The following CAPN3 variants were observed in gnomAD, a reference collection of about 807,000 sequenced individuals.
CAPN3 encodes calpain-3.
Under a neutral mutation model 114.0 loss-of-function variants are expected in CAPN3, and 88 were observed. The ratio of observed to expected loss-of-function variants is 0.77; its 90% CI spans 0.65 to 0.92. CAPN3 has a LOEUF of 0.92. CAPN3 is among the 40% of genes least tolerant of loss of function. The probability of loss-of-function intolerance (pLI) is 0.00; values close to 1 mark genes in which losing one functional copy is unlikely to be tolerated. For synonymous variants in CAPN3, 386 were observed against 382.9 expected (o/e 1.01, Z -0.09); for missense variants, 1,028 against 1,069.0 (o/e 0.96, Z 0.53).
intron 1 of CAPN3, among the ~76,000 whole-genome samples, chr15:42,372,527 C>CT (rs1230674113): frequency 1.3e-5 from 2 of 150,942 alleles, no homozygotes; most frequent in Non-Finnish European, 2.9e-5. Flanking sequence ...ACAAAAGTCA[C>CT]TTTTTTTGTT....
intron 4 of CAPN3, among the ~76,000 whole-genome samples, chr15:42,388,136 G>A (rs571281922): frequency 1.3e-5 from 2 of 152,294 alleles, no homozygotes; most frequent in African/African-American, 2.4e-5. Flanking sequence ...ACCATAGCGA[G>A]TTCTTTCATT....
intron 6 of CAPN3, among the ~76,000 whole-genome samples, chr15:42,390,999 G>A (rs2053541940): frequency 6.6e-6 from 1 of 151,616 alleles, no homozygotes. Flanking sequence ...CACCATGTTG[G>A]CTGGAATGGT....
chr15:42,367,583 C>G (rs2052821346), intron 1 of CAPN3, among the ~76,000 whole-genome samples: 1 of 152,178 alleles, frequency 6.6e-6, no homozygotes, highest in African/African-American at 2.4e-5. Flanking sequence ...AAAATGGGAA[C>G]TACTTTCAGC....
rs1168216352 is a variant in CAPN3 at position 42,382,684 on chromosome 15, T to TA, written c.310-1798dup. Among the ~76,000 whole-genome samples the TA allele has an allele frequency of 3.9e-5, 6 of 152,296 alleles. No homozygotes were observed. In the East Asian group the frequency reaches 1.2e-3, roughly 29 times the overall value. On this transcript the variant is annotated intron_variant, in intron 1 of 23. Transcript: ENST00000397163. Reference sequence around the variant, plus strand: ...ACACCTGGACAATATTATTATTTCTTATGGTTCATATTTCTTAGTATCTTC... The same window carrying TA: ...ACACCTGGACAATATTATTATTTCTTAATGGTTCATATTTCTTAGTATCTTC...
chr15:42,385,638 A>G (rs777872349), intron 2 of CAPN3: 6 of 516,174 alleles, frequency 1.2e-5, no homozygotes, highest in Middle Eastern at 4.8e-4. Context: ...AAACGTCCCG[A>G]GCTCATTCCG....
At chr15:42,409,526 C>T (rs931584705) in intron 17 of CAPN3, 146 bp downstream of exon 17, 77 of 935,176 alleles carry the variant, frequency 8.2e-5, no homozygotes, top group Admixed American at 2.2e-4. Flanking sequence ...GCACACAAAT[C>T]CACAAGCCCT....
At chr15:42,408,798 C>T (rs951544750) in intron 16 of CAPN3, 8 of 312,602 alleles carry the variant, frequency 2.6e-5, no homozygotes, top group South Asian at 8.9e-5. Flanking sequence ...GCAAAAGTCT[C>T]CAGACCAATC....
rs564594188 is a variant in CAPN3 at position 42,409,970 on chromosome 15, G to C, written c.2090G>C (p.Cys697Ser). The part of the protein sequence containing the change: ...LKTHGFTLES[C>S]RSMIALMDTD... Reference sequence around the variant, plus strand: ...ACACACGGGTTCACACTGGAGTCCTGCCGTAGCATGATTGCGCTCATGGAT... The same window carrying C: ...ACACACGGGTTCACACTGGAGTCCTCCCGTAGCATGATTGCGCTCATGGAT... Residue 697 changes from cysteine (C) to serine (S), a missense_variant, in exon 19 of 24, where the codon TGC (cysteine) becomes TCC (serine). Physicochemically the swap from Cys to Ser is moderately radical, Grantham distance 112. Coordinates refer to ENST00000397163, the MANE Select transcript of CAPN3 (RefSeq NM_000070.3). 12 of 1,612,078 alleles carry C rather than the reference G, an allele frequency of 7.4e-6. No individual in the cohort carries two copies. Among genetic ancestry groups the C allele is most frequent in the African/African-American group, 1.3e-5 (1 of 74,832 alleles).
At chr15:42,408,395 A>G (rs1369862599) in intron 16 of CAPN3, 71 bp downstream of exon 16, 1 of 903,986 alleles carries the variant, frequency 1.1e-6, no homozygotes, top group Non-Finnish European at 1.8e-6. Flanking sequence ...TGGGATACAC[A>G]GGGGCTGGAG....
intron 1 of CAPN3, among the ~76,000 whole-genome samples, chr15:42,364,872 C>T (rs2052738932): frequency 6.6e-6 from 1 of 152,174 alleles, no homozygotes; most frequent in African/African-American, 2.4e-5. Context: ...CCTGCAATTC[C>T]CAAAGCAGGG....
At chr15:42,365,566 T>C (rs2052757797) in intron 1 of CAPN3, among the ~76,000 whole-genome samples, 1 of 151,996 alleles carries the variant, frequency 6.6e-6, no homozygotes, top group African/African-American at 2.4e-5. Flanking sequence ...GAGCTCCAGC[T>C]ATGGGTCTTT....
chr15:42,398,777 G>C (rs1316619049), intron 9 of CAPN3, among the ~76,000 whole-genome samples: 1 of 136,574 alleles, frequency 7.3e-6, no homozygotes, highest in Admixed American at 7.1e-5. Context: ...TTGAGCATTA[G>C]AGCTTTTTTT....
chr15:42,402,532 C>T, intron 12 of CAPN3: 1 of 1,444,834 alleles, frequency 6.9e-7, no homozygotes. Context: ...GCCTGAGGGG[C>T]TTCGGAGCTG....
chr15:42,366,278 G>T (rs574381879), intron 1 of CAPN3, among the ~76,000 whole-genome samples: 43 of 152,254 alleles, frequency 2.8e-4, no homozygotes, highest in African/African-American at 8.9e-4. Context: ...CTTTTCCCAG[G>T]CTCTTTCTTT....
rs573237637 is a variant in CAPN3, at chr15:42,364,048, G to A, written c.309+3934G>A. The stretch of plus-strand genomic sequence containing the variant: ...ATTGGCTCAAAACTCATGCATGGAA[G>A]TAAGGTGTCATTTATTGGGCCTCCT... On this transcript the variant is annotated intron_variant, in intron 1 of 23. Coordinates refer to ENST00000397163, the MANE Select transcript of CAPN3 (RefSeq NM_000070.3). 4.6e-5 allele frequency among the ~76,000 whole-genome samples: 7 copies of A among 152,312 alleles called. No individual in the cohort carries two copies. In the South Asian group the frequency reaches 1.5e-3, roughly 32 times the overall value.
Position 42,410,670 on chromosome 15 carries a change from C to T in CAPN3, c.2263+4C>T. The stretch of plus-strand genomic sequence containing the variant: ...CGAAATGCAGTCAACGACGCAGGTG[C>T]TGAGAAGGAAGGGGTGGCAGGGATG... On this transcript the variant is annotated splice_donor_region_variant and intron_variant, in intron 21 of 23. Transcript: ENST00000397163. 6.2e-7 allele frequency: 1 copy of T among 1,612,178 alleles called. No individual in the cohort carries two copies. Among genetic ancestry groups the T allele is most frequent in the Middle Eastern group, 1.7e-4 (1 of 6,058 alleles).
chr15:42,399,662 G>A lies in CAPN3; in HGVS notation c.1354+10G>A. 1 of 1,589,946 alleles carries A rather than the reference G, an allele frequency of 6.3e-7. No individual in the cohort carries two copies. Among genetic ancestry groups the A allele is most frequent in the Non-Finnish European group, 8.6e-7 (1 of 1,166,690 alleles). ...TGCCGCAACTTCCCAGGTGGGAGAT[G>A]CTCTTGATGGGGGGAGGGTCTAAGC... On this transcript the variant is annotated intron_variant, in intron 10 of 23. Transcript: ENST00000397163.
intron 2 of CAPN3, among the ~76,000 whole-genome samples, chr15:42,385,425 C>T (rs1354556729): frequency 1.3e-5 from 2 of 151,972 alleles, no homozygotes; most frequent in African/African-American, 4.8e-5. Context: ...GCAGGCAGCT[C>T]TCAGTCTCCC....
At chr15:42,371,679 T>A (rs1954975514) in intron 1 of CAPN3, among the ~76,000 whole-genome samples, 1 of 152,148 alleles carries the variant, frequency 6.6e-6, no homozygotes, top group Non-Finnish European at 1.5e-5. Flanking sequence ...GAATACTTTT[T>A]TAGGCTGGGC....
Sources: gnomAD v4.1 joint callset for allele counts (sites outside exome capture counted in the v4.1 genomes callset) on GRCh38, gnomAD v4.1.1 for gene constraint, MANE v1.5 for transcripts, NCBI Gene and HGNC (gene_info 2026-07-23, HGNC 2026-07-21) for gene names.